Variants in PON2 observed in about 807,000 individuals in gnomAD.
PON2 encodes the protein serum paraoxonase/arylesterase 2.
A neutral mutation model predicts 36.6 loss-of-function variants in PON2; 27 were observed. The ratio of observed to expected loss-of-function variants is 0.74; its 90% CI spans 0.54 to 1.02. The LOEUF (loss-of-function observed/expected upper bound fraction) is 1.02. Ranked by LOEUF, PON2 falls within the 50% of genes least tolerant of loss-of-function variation. PON2 has a pLI of 0.00. For synonymous variants in PON2, 149 were observed against 156.3 expected (o/e 0.95, Z 0.35); for missense variants, 363 against 421.1 (o/e 0.86, Z 1.21).
In PON2 at chr7:95,426,263, C is replaced by CAA. The variant is rs143252878; in HGVS notation, c.75-1679_75-1678insTT. On this transcript the variant is annotated intron_variant, in intron 1 of 8. Coordinates refer to ENST00000222572, the MANE Select transcript of PON2 (RefSeq NM_000305.3). ...CTAAAATAAAATTGAAATTATAAAACAGAGAGAGAAAAAAAAAGTTTATGT... is the reference window on the plus strand; with the variant it reads ...CTAAAATAAAATTGAAATTATAAAACAAAGAGAGAGAAAAAAAAAGTTTATGT... 2.2e-3 allele frequency among the ~76,000 whole-genome samples: 338 copies of CAA among 151,544 alleles called. 1 individual carries two copies. Among genetic ancestry groups the CAA allele is most frequent in the Non-Finnish European group, 3.6e-3 (245 of 67,816 alleles).
intron 6 of PON2, among the ~76,000 whole-genome samples, chr7:95,407,515 C>T (rs144149759): frequency 7.2e-5 from 11 of 152,118 alleles, no homozygotes; most frequent in African/African-American, 1.9e-4. Flanking sequence ...TAATACATAG[C>T]GAATTTTAAG....
chr7:95,434,058 A>C (rs184565623), intron 1 of PON2, among the ~76,000 whole-genome samples: 1 of 152,320 alleles, frequency 6.6e-6, no homozygotes, highest in Non-Finnish European at 1.5e-5. Context: ...CATGAGGCCT[A>C]TAAAATTTTG....
At chr7:95,414,940 A>G (rs541546470) in intron 3 of PON2, among the ~76,000 whole-genome samples, 1 of 152,304 alleles carries the variant, frequency 6.6e-6, no homozygotes, top group East Asian at 1.9e-4. Flanking sequence ...CCAGCTGCTC[A>G]CTGTCTTTCA....
chr7:95,433,267 T>A (rs1789484472), intron 1 of PON2, among the ~76,000 whole-genome samples: 2 of 152,150 alleles, frequency 1.3e-5, no homozygotes, highest in Non-Finnish European at 2.9e-5. Context: ...TTTATTTATT[T>A]ATTTATTCAT....
Position 95,412,327 on chromosome 7 carries a change from T to C in PON2, c.352A>G (p.Thr118Ala). The C allele has an allele frequency of 2.5e-6, 4 of 1,614,180 alleles. No individual in the cohort carries two copies. Among genetic ancestry groups the C allele is most frequent in the Non-Finnish European group, 3.4e-6 (4 of 1,180,008 alleles). The change falls in exon 4 of 9, where the codon ACT becomes GCT. Residue 118 changes from threonine (T) to alanine (A), a missense_variant. Physicochemically the swap from Thr to Ala is moderately conservative, Grantham distance 58. Transcript: ENST00000222572. ...LASFNPHGISTFIDNDDTVYL... is the reference protein window; with the variant it reads ...LASFNPHGISAFIDNDDTVYL... ...TGGCTCTTACCGTTGTCTATGAAAG[T>C]GCTGATGCCATGTGGATTGAATGAG... is the stretch of plus-strand genomic sequence containing the variant.
At chr7:95,414,120 T>C (rs980052205) in intron 3 of PON2, among the ~76,000 whole-genome samples, 2 of 152,222 alleles carry the variant, frequency 1.3e-5, no homozygotes, top group African/African-American at 4.8e-5. Flanking sequence ...TTCAGTGGTG[T>C]TAAGCACACT....
intron 1 of PON2, among the ~76,000 whole-genome samples, chr7:95,431,608 C>T (rs866894210): frequency 2.0e-5 from 3 of 151,796 alleles, no homozygotes; most frequent in African/African-American, 7.3e-5. Flanking sequence ...TTATTAGAGA[C>T]GGGGTTTCAC....
intron 2 of PON2, among the ~76,000 whole-genome samples, chr7:95,421,159 G>A (rs1352305159): frequency 6.6e-6 from 1 of 152,154 alleles, no homozygotes; most frequent in Non-Finnish European, 1.5e-5. Context: ...CCAGACAGCA[G>A]CTCACACACA....
chr7:95,421,559 A>G (rs1336996261), intron 2 of PON2, among the ~76,000 whole-genome samples: 1 of 151,982 alleles, frequency 6.6e-6, no homozygotes. Flanking sequence ...GTTACTTGGG[A>G]CTCTTGAACT....
intron 3 of PON2, 149 bp from the exon 4 acceptor site, chr7:95,412,626 G>C: frequency 8.0e-6 from 6 of 748,848 alleles, no homozygotes; most frequent in Non-Finnish European, 2.2e-6. Flanking sequence ...AAAGATAACA[G>C]AAAAAATAAT....
intron 3 of PON2, chr7:95,415,098 A>G (rs1789030822): frequency 6.6e-6 from 1 of 152,174 alleles, no homozygotes; most frequent in Admixed American, 6.6e-5. Context: ...ATCCCTCTTG[A>G]GTCTCAGAGC....
chr7:95,434,846 G>T, intron 1 of PON2, 32 bp downstream of exon 1: 1 of 1,534,672 alleles, frequency 6.5e-7, no homozygotes, highest in Non-Finnish European at 8.7e-7. Context: ...CCTGGGGACC[G>T]CCGAGGAGGG....
chr7:95,431,871 G>A (rs947272764), intron 1 of PON2, among the ~76,000 whole-genome samples: 4 of 149,806 alleles, frequency 2.7e-5, no homozygotes, highest in African/African-American at 4.9e-5. Context: ...CAAATTCCAC[G>A]CTTAATGCTA....
chr7:95,405,859 A>T (rs1449857388), intron 8 of PON2, among the ~76,000 whole-genome samples: 1 of 152,214 alleles, frequency 6.6e-6, no homozygotes, highest in Non-Finnish European at 1.5e-5. Flanking sequence ...ACCACCCAAG[A>T]AGGGCACATG....
chr7:95,416,030 G>A (rs1273940774), intron 3 of PON2: 14 of 779,132 alleles, frequency 1.8e-5, no homozygotes, highest in Non-Finnish European at 2.4e-5. Flanking sequence ...CAATGCAATG[G>A]GGAAATAAAG....
intron 3 of PON2, among the ~76,000 whole-genome samples, chr7:95,414,634 A>C (rs1025132913): frequency 2.0e-5 from 3 of 152,138 alleles, no homozygotes; most frequent in African/African-American, 7.2e-5. Flanking sequence ...ACAACAAAAA[A>C]CACAAATAAA....
chr7:95,419,326 G>A (rs1789141026), intron 2 of PON2, among the ~76,000 whole-genome samples: 1 of 152,134 alleles, frequency 6.6e-6, no homozygotes, highest in Admixed American at 6.5e-5. Flanking sequence ...GGGGGGATCT[G>A]GGGAGGGTAT....
chr7:95,431,549 A>C (rs1789442181), intron 1 of PON2, among the ~76,000 whole-genome samples: 1 of 151,796 alleles, frequency 6.6e-6, no homozygotes, highest in Non-Finnish European at 1.5e-5. Context: ...CCTCCCAAGT[A>C]GCTGGGATTA....
Position 95,434,862 on chromosome 7 carries a change from C to T in PON2, c.74+16G>A. The T allele has an allele frequency of 6.5e-7, 1 of 1,538,100 alleles. No individual in the cohort carries two copies. Reference sequence around the variant, plus strand: ...CTGGGGACCGCCGAGGAGGGGCGCGCGGGAGTCCCACCTACCTGAGTGCCA... The same window carrying T: ...CTGGGGACCGCCGAGGAGGGGCGCGTGGGAGTCCCACCTACCTGAGTGCCA... On this transcript the variant is annotated intron_variant, in intron 1 of 8. Transcript: ENST00000222572.
Sources: gnomAD v4.1 joint callset for allele counts (sites outside exome capture counted in the v4.1 genomes callset) on GRCh38, gnomAD v4.1.1 for gene constraint, MANE v1.5 for transcripts, NCBI Gene and HGNC (gene_info 2026-07-23, HGNC 2026-07-21) for gene names.